Variants in RPS6KC1 observed in about 807,000 individuals in gnomAD.
The protein encoded by RPS6KC1 is inactive ribosomal protein S6 kinase delta-1.
Under a neutral mutation model 103.8 loss-of-function variants are expected in RPS6KC1, and 54 were observed. That is an observed-to-expected ratio of 0.52 (90% CI 0.42 to 0.65). The LOEUF (loss-of-function observed/expected upper bound fraction) is 0.65, where lower values mean the gene tolerates loss of function less well. RPS6KC1 is among the 30% of genes least tolerant of loss of function. The pLI is 0.00. For missense variants in RPS6KC1, 1,151 were observed against 1,253.8 expected (o/e 0.92, Z 1.24); for synonymous variants, 439 against 438.7 (o/e 1.00, Z -0.01).
chr1:213,736,034 G>A, the RPS6KC1 span, among the ~76,000 whole-genome samples: 2 of 152,204 alleles, frequency 1.3e-5, no homozygotes, highest in Non-Finnish European at 2.9e-5. Flanking sequence ...TTTCTTGGTA[G>A]GGATGCCAGG....
chr1:213,527,930 AT>A, the RPS6KC1 span, among the ~76,000 whole-genome samples: 48 of 152,332 alleles, frequency 3.2e-4, no homozygotes, highest in African/African-American at 1.1e-3. Flanking sequence ...TAAGAAAACC[AT>A]AAGGAAAAAT....
chr1:213,622,436 A>T, the RPS6KC1 span, among the ~76,000 whole-genome samples: 1 of 152,102 alleles, frequency 6.6e-6, no homozygotes, highest in African/African-American at 2.4e-5. Flanking sequence ...TGGGCCGGAC[A>T]GTAGGGCATG....
chr1:213,505,122 T>G, the RPS6KC1 span, among the ~76,000 whole-genome samples: 39 of 152,284 alleles, frequency 2.6e-4, 1 homozygote, highest in East Asian at 7.5e-3. Context: ...CGATATCCAC[T>G]TCCACTTACC....
At chr1:213,522,857 T>C in the RPS6KC1 span, among the ~76,000 whole-genome samples, 1 of 152,234 alleles carries the variant, frequency 6.6e-6, no homozygotes, top group Admixed American at 6.5e-5. Context: ...ACTTTCTCCA[T>C]ATAAGCAAGA....
At chr1:213,604,660 C>T in the RPS6KC1 span, among the ~76,000 whole-genome samples, 2 of 152,326 alleles carry the variant, frequency 1.3e-5, no homozygotes, top group East Asian at 3.9e-4. Context: ...GCCAGACCTG[C>T]CATGTGGGCT....
the RPS6KC1 span, among the ~76,000 whole-genome samples, chr1:213,317,020 G>A: frequency 1.6e-4 from 24 of 152,100 alleles, no homozygotes; most frequent in Non-Finnish European, 2.8e-4. Context: ...AATAGATTTG[G>A]GCTTTTATTC....
chr1:213,196,422 C>T (rs1212591980), intron 8 of RPS6KC1, among the ~76,000 whole-genome samples: 1 of 152,122 alleles, frequency 6.6e-6, no homozygotes, highest in Non-Finnish European at 1.5e-5. Context: ...TGTTTTCCCC[C>T]TCTCTGGCTT....
the RPS6KC1 span, among the ~76,000 whole-genome samples, chr1:213,823,581 T>C: frequency 6.6e-6 from 1 of 152,156 alleles, no homozygotes; most frequent in Non-Finnish European, 1.5e-5. Context: ...TACTTCCTTA[T>C]ATATGGTAAC....
intron 12 of RPS6KC1, 32 bp downstream of exon 12, chr1:213,242,690 A>G (rs1421164601): frequency 1.3e-6 from 2 of 1,511,514 alleles, no homozygotes; most frequent in East Asian, 4.6e-5. Context: ...GTTTCACTTG[A>G]AAAAGTGGTT....
intron 6 of RPS6KC1, among the ~76,000 whole-genome samples, chr1:213,134,091 A>G (rs1305572884): frequency 6.6e-6 from 1 of 152,078 alleles, no homozygotes; most frequent in Non-Finnish European, 1.5e-5. Flanking sequence ...GTTATTTTCT[A>G]AAAATATAGA....
At chr1:213,575,466 G>A in the RPS6KC1 span, among the ~76,000 whole-genome samples, 12 of 152,262 alleles carry the variant, frequency 7.9e-5, no homozygotes, top group Non-Finnish European at 1.2e-4. Context: ...GGTTACCCCC[G>A]TGCTGCTGTT....
chr1:213,587,540 C>T, the RPS6KC1 span, among the ~76,000 whole-genome samples: 1 of 152,158 alleles, frequency 6.6e-6, no homozygotes, highest in African/African-American at 2.4e-5. Context: ...TGGGCCTAAC[C>T]TAATGCTTTG....
At chr1:213,857,957 G>C in the RPS6KC1 span, among the ~76,000 whole-genome samples, 1 of 152,166 alleles carries the variant, frequency 6.6e-6, no homozygotes, top group Non-Finnish European at 1.5e-5. Flanking sequence ...TTGGCCAAAG[G>C]CTCACGTCAT....
chr1:213,548,174 C>T, the RPS6KC1 span, among the ~76,000 whole-genome samples: 2,301 of 152,302 alleles, frequency 0.015, 60 homozygotes, highest in African/African-American at 0.052. Flanking sequence ...AGTGATTCAA[C>T]TACAGCTCCT....
At chr1:213,851,703 C>T in the RPS6KC1 span, among the ~76,000 whole-genome samples, 1 of 152,176 alleles carries the variant, frequency 6.6e-6, no homozygotes, top group African/African-American at 2.4e-5. Context: ...CTCAAAACAA[C>T]ATGGACAAAA....
At chr1:213,394,718 G>A in the RPS6KC1 span, among the ~76,000 whole-genome samples, 1 of 152,184 alleles carries the variant, frequency 6.6e-6, no homozygotes, top group African/African-American at 2.4e-5. Flanking sequence ...CTGTATTGGG[G>A]TGTTCGTGGG....
At chr1:213,148,313 C>T (rs1408681699) in intron 6 of RPS6KC1, among the ~76,000 whole-genome samples, 1 of 152,112 alleles carries the variant, frequency 6.6e-6, no homozygotes, top group Non-Finnish European at 1.5e-5. Flanking sequence ...ATCTTTGGGT[C>T]TGTCATATAT....
chr1:213,619,127 G>T, the RPS6KC1 span, among the ~76,000 whole-genome samples: 1 of 152,202 alleles, frequency 6.6e-6, no homozygotes, highest in African/African-American at 2.4e-5. Context: ...GCTCAGAGTT[G>T]ATTAGTGACT....
At chr1:213,569,200 G>A in the RPS6KC1 span, among the ~76,000 whole-genome samples, 6 of 152,306 alleles carry the variant, frequency 3.9e-5, no homozygotes, top group African/African-American at 1.4e-4. Context: ...TTGCTGTTGG[G>A]TGCCTTGCTG....
Sources: allele counts gnomAD v4.1 joint callset (sites outside exome capture counted in the v4.1 genomes callset), GRCh38; gene constraint gnomAD v4.1.1; transcripts MANE v1.5; gene names NCBI Gene and HGNC (gene_info 2026-07-23, HGNC 2026-07-21).